PLCZ1: variants seen among roughly 807,000 people sequenced by gnomAD.
PLCZ1 encodes the protein 1-phosphatidylinositol 4,5-bisphosphate phosphodiesterase zeta-1.
In PLCZ1, 64 loss-of-function variants were observed where a neutral mutation model predicts 76.8. The ratio of observed to expected loss-of-function variants is 0.83; its 90% CI spans 0.68 to 1.03. The LOEUF (loss-of-function observed/expected upper bound fraction) is 1.03. Among genes scored for constraint, PLCZ1 ranks in the 50% least tolerant of loss-of-function variants. The pLI, the probability that PLCZ1 is intolerant of heterozygous loss-of-function variation, is 0.00. For synonymous variants in PLCZ1, 248 were observed against 230.8 expected, an observed-to-expected ratio of 1.07 and a Z score of -0.68; for missense variants, 751 against 713.7, an observed-to-expected ratio of 1.05 and a Z score of -0.60.
At position 18,701,794 on chromosome 12, in the gene PLCZ1, G is replaced by A. The variant is rs1232488890; in HGVS notation, c.865-18C>T. On this transcript the variant is annotated intron_variant, in intron 7 of 14. Coordinates refer to ENST00000266505, the MANE Select transcript of PLCZ1 (RefSeq NM_033123.4). ...TTTAGTGCCTAAGGAAACAATTTGA[G>A]AGATACAATTACACATTTACAAGTA... The A allele has an allele frequency of 3.8e-6, 6 of 1,585,098 alleles. No individual in the cohort carries two copies. Among genetic ancestry groups the A allele is most frequent in the African/African-American group, 1.4e-5 (1 of 73,542 alleles).
At chr12:18,646,166 A>G in the PLCZ1 span, among the ~76,000 whole-genome samples, 26,111 of 152,180 alleles carry the variant, frequency 0.17, 2,838 homozygotes, top group African/African-American at 0.3. Context: ...GGAAAACTCA[A>G]TAGATGAAAT....
chr12:18,706,400 A>G (rs12822841), intron 6 of PLCZ1, among the ~76,000 whole-genome samples: 5,495 of 152,310 alleles, frequency 0.036, 135 homozygotes, highest in East Asian at 0.085. Context: ...CAAAAACATT[A>G]TTAACACTGA....
chr12:18,688,447 C>T (rs556123038), intron 12 of PLCZ1, among the ~76,000 whole-genome samples: 1 of 151,838 alleles, frequency 6.6e-6, no homozygotes, highest in African/African-American at 2.4e-5. Context: ...CCACAATGTC[C>T]ACAATTTTTG....
downstream of PLCZ1, among the ~76,000 whole-genome samples, chr12:18,682,474 C>T (rs1294549171): frequency 6.6e-6 from 1 of 152,004 alleles, no homozygotes; most frequent in Non-Finnish European, 1.5e-5. Flanking sequence ...TTCTACATGA[C>T]ATTTAATAAA....
intron 9 of PLCZ1, 89 bp downstream of exon 9, chr12:18,701,412 T>C (rs949735168): frequency 1.3e-6 from 2 of 1,593,526 alleles, no homozygotes; most frequent in East Asian, 2.2e-5. Context: ...AGGAAAATGA[T>C]TTTTCTCCAG....
chr12:18,723,521 C>T lies in PLCZ1; in HGVS notation c.157G>A (p.Gly53Arg), dbSNP rs1958576518. ...IFKDNDRLKQ[G>R]RITIEEFRAI... The stretch of plus-strand genomic sequence containing the variant: ...CTAAATTCTTCTATGGTGATTCTTC[C>T]TTGTTTCAGCCTGTCATTGTCCTAC... The change falls in exon 4 of 15, where the codon GGA becomes AGA. Residue 53 changes from glycine (G) to arginine (R), a missense_variant. By Grantham distance (125) the Gly-to-Arg change is moderately radical. Transcript: ENST00000266505. 1 of 1,612,168 alleles carries T rather than the reference C, an allele frequency of 6.2e-7. No homozygotes were observed. Among genetic ancestry groups the T allele is most frequent in the Non-Finnish European group, 8.5e-7 (1 of 1,179,246 alleles).
In PLCZ1 at chr12:18,686,236, G is replaced by A. The variant is rs189121911; in HGVS notation, c.1591+1853C>T. On this transcript the variant is annotated intron_variant, in intron 13 of 14. Coordinates refer to ENST00000266505, the MANE Select transcript of PLCZ1 (RefSeq NM_033123.4). ...ACTTTGTATTTCTCATTTCCCTCTC[G>A]TATACTTCTTCTCAAATCTGCAGAA... Among the ~76,000 whole-genome samples, 99 of 151,316 alleles carry A rather than the reference G, an allele frequency of 6.5e-4. No homozygotes were observed. The East Asian group carries it at 8.0e-3, about 12-fold the overall frequency.
At chr12:18,683,684 T>A (rs1342402959) in intron 14 of PLCZ1, 1 of 1,229,338 alleles carries the variant, frequency 8.1e-7, no homozygotes, top group Non-Finnish European at 1.1e-6. Context: ...ACAGTGTAAA[T>A]CACCCTGGAA....
chr12:18,680,987 G>A (rs907163060), downstream of PLCZ1, among the ~76,000 whole-genome samples: 1 of 152,058 alleles, frequency 6.6e-6, no homozygotes, highest in Non-Finnish European at 1.5e-5. Flanking sequence ...ATAGGGGAGT[G>A]TGTAGCATTG....
Position 18,696,273 on chromosome 12 carries a change from A to C in PLCZ1, c.1175-7T>G, listed in dbSNP as rs767530822. On this transcript the variant is annotated splice_polypyrimidine_tract_variant and splice_region_variant and intron_variant, in intron 10 of 14. Coordinates refer to ENST00000266505, the MANE Select transcript of PLCZ1 (RefSeq NM_033123.4). ...TGAAAAATAAACTCATGGACTGAAA[A>C]AGAATAATTAAAACATTGTGAAAGA... The C allele has an allele frequency of 3.0e-6, 4 of 1,339,674 alleles. No individual in the cohort carries two copies. In the East Asian group the frequency reaches 9.8e-5, roughly 33 times the overall value. The allele number at this position is 1,339,674 out of a possible 1,614,324, so 83.0% of individuals were successfully genotyped here.
rs71440372 is a variant in PLCZ1 at position 18,696,322 on chromosome 12, C to CTATATATATATATATA, written c.1175-72_1175-57dup. The CTATATATATATATATA allele has an allele frequency of 5.3e-3, 1,425 of 267,376 alleles. 102 individuals carry two copies. The highest frequency in any genetic ancestry group is 0.031 in the African/African-American group (509 of 16,306). 16.6% of individuals were successfully genotyped at this position (267,376 alleles called of 1,614,324 possible). A position where few individuals can be genotyped will look rare whatever the true frequency, so the allele number is the denominator to read the frequency against. On this transcript the variant is annotated intron_variant, in intron 10 of 14. Transcript: ENST00000266505. The stretch of plus-strand genomic sequence containing the variant: ...GAATTCAAATAAATTTAAAAAGCCA[C>CTATATATATATATATA]TATATATATATATATATATATATAT...
At chr12:18,674,356 A>G in the PLCZ1 span, among the ~76,000 whole-genome samples, 2 of 151,978 alleles carry the variant, frequency 1.3e-5, no homozygotes, top group African/African-American at 4.8e-5. Context: ...AAAATTTTGT[A>G]TGTTTGTTTT....
At chr12:18,688,033 T>C (rs1953429568) in intron 13 of PLCZ1, 56 bp downstream of exon 13, 4 of 1,594,168 alleles carry the variant, frequency 2.5e-6, no homozygotes, top group Non-Finnish European at 3.4e-6. Context: ...ATATAATTTG[T>C]AAGCTTTCCA....
chr12:18,705,412 T>G, intron 6 of PLCZ1, 97 bp from the exon 7 acceptor site: 1 of 1,425,604 alleles, frequency 7.0e-7, no homozygotes, highest in South Asian at 1.2e-5. Context: ...AACTTACTTC[T>G]AACGTTTAGT....
the PLCZ1 span, chr12:18,648,459 A>G: frequency 1.0e-4 from 20 of 190,522 alleles, no homozygotes; most frequent in African/African-American, 4.6e-4. Context: ...CTTAAATTAT[A>G]TATACTTATA....
chr12:18,726,335 A>C (rs1958750403), intron 3 of PLCZ1, among the ~76,000 whole-genome samples: 1 of 152,152 alleles, frequency 6.6e-6, no homozygotes, highest in Non-Finnish European at 1.5e-5. Context: ...TGTTTAAAAA[A>C]CGTTCCTTAA....
chr12:18,649,577 T>G, the PLCZ1 span, among the ~76,000 whole-genome samples: 2 of 152,228 alleles, frequency 1.3e-5, no homozygotes, highest in East Asian at 3.9e-4. Context: ...GCAGCAAAAC[T>G]CTTCAAAATG....
chr12:18,713,773 G>C (rs1470384661), intron 5 of PLCZ1: 3 of 152,164 alleles, frequency 2.0e-5, no homozygotes, highest in Non-Finnish European at 4.4e-5. Context: ...CAAAACTGAG[G>C]AAACTATATT....
intron 13 of PLCZ1, among the ~76,000 whole-genome samples, chr12:18,687,354 C>A (rs1953314022): frequency 6.6e-6 from 1 of 152,114 alleles, no homozygotes; most frequent in Non-Finnish European, 1.5e-5. Context: ...ATGAAGTCCA[C>A]TTTGCTTTGA....
Sources: gnomAD v4.1 joint callset for allele counts (sites outside exome capture counted in the v4.1 genomes callset) on GRCh38, gnomAD v4.1.1 for gene constraint, MANE v1.5 for transcripts, NCBI Gene and HGNC (gene_info 2026-07-23, HGNC 2026-07-21) for gene names.